Variants in FANCM observed in about 807,000 individuals in gnomAD.
FANCM encodes Fanconi anemia group M protein.
FANCM carries 140 observed loss-of-function variants against 199.5 expected under a neutral mutation model. That is an observed-to-expected ratio of 0.70 (90% confidence interval 0.61 to 0.81). FANCM has a LOEUF of 0.81. FANCM is among the 30% of genes least tolerant of loss of function. The probability of loss-of-function intolerance (pLI) is 0.00; values close to 1 mark genes in which losing one functional copy is unlikely to be tolerated. For synonymous variants in FANCM, 840 were observed against 836.8 expected (o/e 1.00, Z -0.07); for missense variants, 2,410 against 2,421.4 (o/e 1.00, Z 0.10).
chr14:45,164,594 A>T (rs1367920389), intron 10 of FANCM, 29 bp downstream of exon 10: 1 of 1,538,578 alleles, frequency 6.5e-7, no homozygotes, highest in African/African-American at 1.4e-5. Flanking sequence ...ACACAATTTG[A>T]CACTTGAAAT....
intron 5 of FANCM, among the ~76,000 whole-genome samples, chr14:45,152,196 T>C (rs1441000926): frequency 6.6e-6 from 1 of 151,868 alleles, no homozygotes; most frequent in Admixed American, 6.6e-5. Flanking sequence ...GCCTGGCTAA[T>C]TTTTGTATTT....
Position 45,176,279 on chromosome 14 carries a change from G to A in FANCM, c.3525G>A (p.Gln1175=), listed in dbSNP as rs761300333. Residue 1175 remains glutamine, a synonymous_variant, in exon 14 of 23, where the codon CAG becomes CAA. Coordinates refer to ENST00000267430, the MANE Select transcript of FANCM (RefSeq NM_020937.4). The stretch of plus-strand genomic sequence containing the variant: ...TTAGTGAAACGCCTCTGGTCTCTCA[G>A]TTCTTAATTTCTGATGAACTTTTGT... The part of the protein sequence containing the change: ...TAISETPLVS[Q]FLISDELLLD... 24 of 1,613,924 alleles carry A rather than the reference G, an allele frequency of 1.5e-5. No individual in the cohort carries two copies. The highest frequency in any genetic ancestry group is 2.0e-5 in the Non-Finnish European group (24 of 1,179,958).
At chr14:45,146,453 C>A (rs1594763208) in intron 3 of FANCM, among the ~76,000 whole-genome samples, 1 of 152,064 alleles carries the variant, frequency 6.6e-6, no homozygotes, top group East Asian at 1.9e-4. Context: ...GCTTTTAACT[C>A]TTGCAAGCTG....
At chr14:45,153,873 T>TGTTC in intron 5 of FANCM, 47 bp from the exon 6 acceptor site, 1 of 1,519,708 alleles carries the variant, frequency 6.6e-7, no homozygotes, top group East Asian at 2.3e-5. Context: ...GGAGCATGTA[T>TGTTC]GTTCATTTAT....
chr14:45,185,278 T>C lies in FANCM; in HGVS notation c.4577T>C (p.Val1526Ala). Residue 1526 changes from valine to alanine, a missense_variant, in exon 18 of 23, where the codon GTT becomes GCT. Val to Ala is a moderately conservative substitution (Grantham distance 64). Coordinates refer to ENST00000267430, the MANE Select transcript of FANCM (RefSeq NM_020937.4). Reference protein sequence around the residue: ...AELSEEDAEYVSSDENDESEN... With the variant: ...AELSEEDAEYASSDENDESEN... ...CTTTCTGAAGAAGATGCAGAATATG[T>C]TTCATCAGATGAAAATGATGAGTCA... 1 of 1,601,280 alleles carries C rather than the reference T, an allele frequency of 6.2e-7. No homozygotes were observed. Among genetic ancestry groups the C allele is most frequent in the Non-Finnish European group, 8.5e-7 (1 of 1,169,606 alleles).
chr14:45,191,316 G>A (rs769555089), intron 20 of FANCM, among the ~76,000 whole-genome samples: 30 of 152,288 alleles, frequency 2.0e-4, no homozygotes, highest in Non-Finnish European at 2.2e-4. Context: ...ATTCACACTA[G>A]TGACATTTGC....
At chr14:45,143,706 T>G (rs77412823) in intron 3 of FANCM, among the ~76,000 whole-genome samples, 1 of 150,196 alleles carries the variant, frequency 6.7e-6, no homozygotes, top group African/African-American at 2.5e-5. Flanking sequence ...TTTTTTTTTT[T>G]TTTTTGAGAC....
rs1885472531 is a variant in FANCM at position 45,136,128 on chromosome 14, CAGAGCCCTGGCAGCTCCA to C, written c.100_117del (p.Ser34_Lys39del). The C allele has an allele frequency of 1.2e-6, 2 of 1,614,084 alleles. No homozygotes were observed. Among genetic ancestry groups the C allele is most frequent in the Non-Finnish European group, 1.7e-6 (2 of 1,180,042 alleles). On this transcript the variant is annotated inframe_deletion, in exon 1 of 23. Coordinates refer to ENST00000267430, the MANE Select transcript of FANCM (RefSeq NM_020937.4). ...TTGCAGCTCCGGAACTGAGCGACCT[CAGAGCCCTGGCAGCTCCA>C]AGGCGCCTTTGCCAGCAGCAGCGGA... is the stretch of plus-strand genomic sequence containing the variant.
At position 45,176,398 on chromosome 14, in the gene FANCM, A is replaced by G; in HGVS notation, c.3644A>G (p.Lys1215Arg). 6.2e-7 allele frequency: 1 copy of G among 1,613,030 alleles called. No individual in the cohort carries two copies. Among genetic ancestry groups the G allele is most frequent in the Non-Finnish European group, 8.5e-7 (1 of 1,179,872 alleles). ...DQRGVQEEKV[K>R]NHEDIFDCSR... ...AGAGGTGTACAGGAAGAAAAAGTGAAGAATCATGAGGATATTTTTGATTGC... is the reference window on the plus strand; with the variant it reads ...AGAGGTGTACAGGAAGAAAAAGTGAGGAATCATGAGGATATTTTTGATTGC... The change falls in exon 14 of 23, where the codon AAG becomes AGG. Residue 1215 changes from lysine to arginine, a missense_variant. Coordinates refer to ENST00000267430, the MANE Select transcript of FANCM (RefSeq NM_020937.4).
chr14:45,141,675 C>T (rs915485683), intron 3 of FANCM, among the ~76,000 whole-genome samples: 1 of 150,922 alleles, frequency 6.6e-6, no homozygotes, highest in African/African-American at 2.4e-5. Flanking sequence ...CTGCAACCTC[C>T]GCCTCCTGGA....
chr14:45,167,074 A>C lies in FANCM; in HGVS notation c.1913A>C (p.His638Pro). The C allele has an allele frequency of 6.2e-7, 1 of 1,613,720 alleles. No individual in the cohort carries two copies. The change falls in exon 11 of 23, where the codon CAC becomes CCC. Residue 638 changes from histidine to proline, a missense_variant. By Grantham distance (77) the His-to-Pro change is moderately conservative. Transcript: ENST00000267430. ...CCTGATGGAATCAACCCAAAATTAC[A>C]CAAAATGTTCATCACACATGGTGTC... ...MVPDGINPKL[H>P]KMFITHGVYE...
intron 21 of FANCM, 87 bp from the exon 22 acceptor site, chr14:45,198,557 T>G: frequency 2.3e-6 from 2 of 881,916 alleles, no homozygotes; most frequent in East Asian, 2.8e-5. Flanking sequence ...GGTGTAGATC[T>G]TGGGATTTTA....
rs777900790 is a variant in FANCM, at chr14:45,198,796, G to A, written c.5869G>A (p.Val1957Ile). Reference sequence around the variant, plus strand: ...GTCTTTAGTGGAACAAAGAAAGAATGTTGGTATTCATGTTCCAACAGTGGT... The same window carrying A: ...GTCTTTAGTGGAACAAAGAAAGAATATTGGTATTCATGTTCCAACAGTGGT... The part of the protein sequence containing the change: ...ELSLVEQRKN[V>I]GIHVPTVVNS... Residue 1957 changes from valine to isoleucine, a missense_variant, in exon 22 of 23, where the codon GTT becomes ATT. Coordinates refer to ENST00000267430, the MANE Select transcript of FANCM (RefSeq NM_020937.4). The A allele has an allele frequency of 1.2e-6, 2 of 1,614,074 alleles. No individual in the cohort carries two copies. Among genetic ancestry groups the A allele is most frequent in the South Asian group, 2.2e-5 (2 of 91,076 alleles).
rs780400964 is a variant in FANCM at position 45,175,803 on chromosome 14, C to T, written c.3049C>T (p.Leu1017Phe). 1.6e-5 allele frequency: 26 copies of T among 1,613,708 alleles called. No homozygotes were observed. Among genetic ancestry groups the T allele is most frequent in the Non-Finnish European group, 2.1e-5 (25 of 1,179,934 alleles). Residue 1017 changes from leucine to phenylalanine, a missense_variant, in exon 14 of 23, where the codon CTT becomes TTT. Transcript: ENST00000267430. ...ATATGAAATTGCTAAGGGTACTGCA[C>T]TTGAGAATTTGCTTTTCTTACCCTG... ...LEYEIAKGTA[L>F]ENLLFLPCAE...
intron 12 of FANCM, among the ~76,000 whole-genome samples, chr14:45,171,147 T>C (rs529076067): frequency 1.3e-5 from 2 of 151,838 alleles, no homozygotes; most frequent in Non-Finnish European, 1.5e-5. Context: ...CTTTTTTTTT[T>C]TTTTTTAAGA....
Position 45,188,961 on chromosome 14 carries a change from G to A in FANCM, c.4939G>A (p.Val1647Ile), listed in dbSNP as rs117543609. 4 of 1,614,014 alleles carry A rather than the reference G, an allele frequency of 2.5e-6. No individual in the cohort carries two copies. Among genetic ancestry groups the A allele is most frequent in the Non-Finnish European group, 3.4e-6 (4 of 1,179,982 alleles). ...NSKKYKTRRA[V>I]MLKEMMEQNC... ...TAAAAAGTATAAAACTCGACGTGCA[G>A]TAATGCTAAAAGAAATGATGGAACA... is the stretch of plus-strand genomic sequence containing the variant. The change falls in exon 20 of 23, where the codon GTA becomes ATA. Residue 1647 changes from valine to isoleucine, a missense_variant. Val to Ile is a conservative substitution (Grantham distance 29). Transcript: ENST00000267430.
chr14:45,170,955 A>G (rs147302705), intron 12 of FANCM, among the ~76,000 whole-genome samples: 10 of 152,256 alleles, frequency 6.6e-5, no homozygotes, highest in East Asian at 3.9e-4. Context: ...ATTTTCTTCT[A>G]TTATTTATTG....
At chr14:45,166,145 CA>C (rs913327657) in intron 10 of FANCM, among the ~76,000 whole-genome samples, 3 of 147,750 alleles carry the variant, frequency 2.0e-5, no homozygotes, top group African/African-American at 5.0e-5. Flanking sequence ...AAAAAAAAAA[CA>C]AAAAAAACGG....
In FANCM at chr14:45,159,140, A is replaced by G. The variant is rs748550294; in HGVS notation, c.1441A>G (p.Ile481Val). 1 of 1,612,930 alleles carries G rather than the reference A, an allele frequency of 6.2e-7. No homozygotes were observed. Residue 481 changes from isoleucine (I) to valine (V), a missense_variant, in exon 9 of 23, where the codon ATC becomes GTC. Coordinates refer to ENST00000267430, the MANE Select transcript of FANCM (RefSeq NM_020937.4). ...GAAACGTGATGAGACCCGAGTTATG[A>G]TCTTCTCTTCATTTCGAGATAGTGT... ...EKKRDETRVM[I>V]FSSFRDSVQE... is the part of the protein sequence containing the mutation.
Sources: gnomAD v4.1 joint callset for allele counts (sites outside exome capture counted in the v4.1 genomes callset) on GRCh38, gnomAD v4.1.1 for gene constraint, MANE v1.5 for transcripts, NCBI Gene and HGNC (gene_info 2026-07-23, HGNC 2026-07-21) for gene names.